Variants in BTBD9 observed in about 807,000 individuals in gnomAD.
BTBD9 encodes BTB/POZ domain-containing protein 9.
In BTBD9, 49 loss-of-function variants were observed where a neutral mutation model predicts 64.3. That is an observed-to-expected ratio of 0.76 (90% CI 0.61 to 0.97). The LOEUF (loss-of-function observed/expected upper bound fraction) is 0.97, where lower values mean the gene tolerates loss of function less well. Ranked by LOEUF, BTBD9 falls within the 50% of genes least tolerant of loss-of-function variation. BTBD9 has a pLI of 0.00. For synonymous variants in BTBD9, 260 were observed against 274.7 expected, an observed-to-expected ratio of 0.95 and a Z score of 0.53; for missense variants, 598 against 762.1, an observed-to-expected ratio of 0.78 and a Z score of 2.53.
chr6:38,386,622 A>G (rs1030130977), intron 6 of BTBD9, among the ~76,000 whole-genome samples: 6 of 141,936 alleles, frequency 4.2e-5, no homozygotes, highest in African/African-American at 1.6e-4. Flanking sequence ...TACATTTTCC[A>G]GTTTACTCTT....
At chr6:38,355,622 T>C (rs1288082753) in intron 6 of BTBD9, among the ~76,000 whole-genome samples, 1 of 152,240 alleles carries the variant, frequency 6.6e-6, no homozygotes, top group Non-Finnish European at 1.5e-5. Flanking sequence ...CGTTTTTTAA[T>C]ATGCAAGAAG....
chr6:38,401,246 C>A (rs1217027299), intron 6 of BTBD9, among the ~76,000 whole-genome samples: 1 of 152,118 alleles, frequency 6.6e-6, no homozygotes, highest in African/African-American at 2.4e-5. Flanking sequence ...TGTGGCACTT[C>A]CTTGCTCTTC....
intron 6 of BTBD9, among the ~76,000 whole-genome samples, chr6:38,416,063 A>C (rs1767650853): frequency 6.6e-6 from 1 of 152,156 alleles, no homozygotes; most frequent in Non-Finnish European, 1.5e-5. Flanking sequence ...AAGAGAGGAA[A>C]ATTACACTTA....
intron 8 of BTBD9, among the ~76,000 whole-genome samples, chr6:38,273,848 G>C (rs1303446612): frequency 1.3e-5 from 2 of 152,226 alleles, no homozygotes; most frequent in Non-Finnish European, 2.9e-5. Context: ...AGGAGAGATG[G>C]AGGAGAGCGA....
chr6:38,349,202 T>A (rs1033445179), intron 6 of BTBD9, among the ~76,000 whole-genome samples: 2 of 152,172 alleles, frequency 1.3e-5, no homozygotes, highest in African/African-American at 2.4e-5. Context: ...AATTTTTTTT[T>A]AAAACTTAGT....
chr6:38,216,635 G>A lies in BTBD9; in HGVS notation c.1563-24038C>T, dbSNP rs368720427. 1.1e-4 allele frequency among the ~76,000 whole-genome samples: 17 copies of A among 152,338 alleles called. 1 individual carries two copies. Among genetic ancestry groups the A allele is most frequent in the African/African-American group, 4.1e-4 (17 of 41,568 alleles). On this transcript the variant is annotated intron_variant, in intron 9 of 10. Coordinates refer to ENST00000481247, the MANE Select transcript of BTBD9 (RefSeq NM_001099272.2). ...GCTGGTAAAAGCATCTGAAGGATTT[G>A]TCATGGTAGTGAAATTCTCACTGGT...
chr6:38,440,964 G>A (rs1261499844), intron 6 of BTBD9, among the ~76,000 whole-genome samples: 3 of 152,104 alleles, frequency 2.0e-5, no homozygotes, highest in Non-Finnish European at 2.9e-5. Flanking sequence ...TTTTCCTGTA[G>A]GAAAACATAA....
At chr6:38,217,530 T>C (rs1411520414) in intron 9 of BTBD9, among the ~76,000 whole-genome samples, 1 of 151,994 alleles carries the variant, frequency 6.6e-6, no homozygotes, top group Non-Finnish European at 1.5e-5. Flanking sequence ...AATGCAGCTC[T>C]CAAAAGTATT....
rs577710714 is a variant in BTBD9 at position 38,416,428 on chromosome 6, G to A, written c.1155-71335C>T. Reference sequence around the variant, plus strand: ...CGGCTCACTGCAAGCTCCGTCTCCCGGGTTCACGCCATTCTCCTGCCTCAG... The same window carrying A: ...CGGCTCACTGCAAGCTCCGTCTCCCAGGTTCACGCCATTCTCCTGCCTCAG... On this transcript the variant is annotated intron_variant, in intron 6 of 10. Transcript: ENST00000481247. Among the ~76,000 whole-genome samples, 15 of 150,568 alleles carry A rather than the reference G, an allele frequency of 1.0e-4. No individual in the cohort carries two copies. The East Asian group carries it at 1.4e-3, about 14-fold the overall frequency.
intron 8 of BTBD9, among the ~76,000 whole-genome samples, chr6:38,271,097 G>T (rs1765182868): frequency 6.6e-6 from 1 of 152,122 alleles, no homozygotes; most frequent in African/African-American, 2.4e-5. Context: ...TATACAACTT[G>T]CAAAGAAATA....
At chr6:38,588,972 G>GAAAAGATAGGTCCTA (rs1776671214) in intron 4 of BTBD9, among the ~76,000 whole-genome samples, 1 of 152,280 alleles carries the variant, frequency 6.6e-6, no homozygotes, top group South Asian at 2.1e-4. Flanking sequence ...TCTTTTCAGG[G>GAAAAGATAGGTCCTA]TCTGACAGGG....
chr6:38,456,047 C>T (rs183648418), intron 6 of BTBD9, among the ~76,000 whole-genome samples: 2 of 152,012 alleles, frequency 1.3e-5, no homozygotes, highest in African/African-American at 4.8e-5. Flanking sequence ...GCAGTGGCGC[C>T]ATCTTGACTC....
intron 4 of BTBD9, among the ~76,000 whole-genome samples, chr6:38,585,398 T>C (rs1176059956): frequency 2.6e-5 from 4 of 152,190 alleles, no homozygotes; most frequent in East Asian, 1.9e-4. Context: ...AGCCTCAAAC[T>C]ACTGGGCTCA....
chr6:38,245,984 G>A (rs1764182037), intron 9 of BTBD9, among the ~76,000 whole-genome samples: 1 of 152,104 alleles, frequency 6.6e-6, no homozygotes, highest in African/African-American at 2.4e-5. Context: ...TAAGAAAGAA[G>A]GAAATAGGAG....
At chr6:38,279,600 C>T (rs1292209141) in intron 8 of BTBD9, among the ~76,000 whole-genome samples, 2 of 152,242 alleles carry the variant, frequency 1.3e-5, no homozygotes, top group African/African-American at 4.8e-5. Context: ...ATGAGAATAG[C>T]TGCATTTCTG....
chr6:38,622,721 G>A (rs149275519), intron 1 of BTBD9, among the ~76,000 whole-genome samples: 293 of 152,244 alleles, frequency 1.9e-3, no homozygotes, highest in African/African-American at 6.6e-3. Context: ...GCCTGCCCCT[G>A]GGGCACCTAC....
chr6:38,171,862 A>AT lies in BTBD9; in HGVS notation c.*3122_*3123insA, dbSNP rs1766789225. 1.3e-5 allele frequency: 1 copy of AT among 78,752 alleles called. No homozygotes were observed. Among genetic ancestry groups the AT allele is most frequent in the Non-Finnish European group, 2.9e-5 (1 of 34,684 alleles). 4.9% of individuals were successfully genotyped at this position (78,752 alleles called of 1,614,324 possible). A position where few individuals can be genotyped will look rare whatever the true frequency, so the allele number is the denominator to read the frequency against. On this transcript the variant is annotated 3_prime_UTR_variant, in exon 11 of 11. Transcript: ENST00000481247. ...TTCTACTCTCAAAAAAAAAAAAAAA[A>AT]AAAAAAAAAAAAAAAAAAAATAATA...
chr6:38,328,279 C>T (rs1208167173), intron 7 of BTBD9, among the ~76,000 whole-genome samples: 1 of 152,070 alleles, frequency 6.6e-6, no homozygotes, highest in Non-Finnish European at 1.5e-5. Flanking sequence ...TGAAGCTTCA[C>T]CCCTAACTTA....
chr6:38,359,345 A>G (rs1237594733), intron 6 of BTBD9, among the ~76,000 whole-genome samples: 1 of 151,666 alleles, frequency 6.6e-6, no homozygotes, highest in Non-Finnish European at 1.5e-5. Flanking sequence ...ACTCTCCTCA[A>G]CCCTAACACT....
Sources: gnomAD v4.1 joint callset for allele counts (sites outside exome capture counted in the v4.1 genomes callset) on GRCh38, gnomAD v4.1.1 for gene constraint, MANE v1.5 for transcripts, NCBI Gene and HGNC (gene_info 2026-07-23, HGNC 2026-07-21) for gene names.